The following RNASE4 variants were observed in gnomAD, a reference collection of about 807,000 sequenced individuals.
RNASE4 encodes ribonuclease A family member 4.
For missense variants in RNASE4, 194 were observed against 192.8 expected (o/e 1.01, Z -0.04); for synonymous variants, 93 against 71.4 (o/e 1.30, Z -1.52).
At chr14:20,693,337 G>C in intron 1 of RNASE4, 1 of 634,840 alleles carries the variant, frequency 1.6e-6, no homozygotes, top group South Asian at 1.9e-5. Context: ...TGGAGCTAGA[G>C]GTTGTGCTCA....
intron 1 of RNASE4, chr14:20,694,296 C>CATT: frequency 4.7e-6 from 1 of 210,776 alleles, no homozygotes; most frequent in Non-Finnish European, 8.8e-6. Flanking sequence ...CTTTTCTTTT[C>CATT]GTTTTTTTTT....
rs1228003619 is a variant in RNASE4 at position 20,684,630 on chromosome 14, G to C, written c.-146G>C. 3 of 152,420 alleles carry C rather than the reference G, an allele frequency of 2.0e-5. No homozygotes were observed. Among genetic ancestry groups the C allele is most frequent in the Admixed American group, 1.3e-4 (2 of 15,290 alleles). 9.4% of individuals were successfully genotyped at this position (152,420 alleles called of 1,614,324 possible). On this transcript the variant is annotated 5_prime_UTR_variant, in exon 1 of 2. Transcript: ENST00000555835. ...GCCAACCCCACCTAGATGCAAAGCA[G>C]GATTCAAAAGAACATCTTTGCGTTT...
intron 1 of RNASE4, among the ~76,000 whole-genome samples, chr14:20,693,008 C>T (rs910619583): frequency 3.3e-5 from 5 of 151,732 alleles, no homozygotes; most frequent in South Asian, 2.1e-4. Flanking sequence ...CCACTACGCC[C>T]GGCTAATTTT....
chr14:20,685,931 T>G (rs1886402498), intron 1 of RNASE4, among the ~76,000 whole-genome samples: 1 of 151,456 alleles, frequency 6.6e-6, no homozygotes, highest in African/African-American at 2.4e-5. Flanking sequence ...CCCCAGCTAC[T>G]CGGGAGGCTG....
At chr14:20,686,299 T>G (rs1886424728) in intron 1 of RNASE4, among the ~76,000 whole-genome samples, 3 of 152,038 alleles carry the variant, frequency 2.0e-5, no homozygotes, top group Non-Finnish European at 4.4e-5. Flanking sequence ...ATGGAAAAAA[T>G]CATTCCAGGA....
intron 1 of RNASE4, among the ~76,000 whole-genome samples, chr14:20,686,567 A>G (rs1246319780): frequency 6.6e-6 from 1 of 152,230 alleles, no homozygotes; most frequent in Non-Finnish European, 1.5e-5. Flanking sequence ...CTTGGGAAAG[A>G]GGGAATGGGA....
Position 20,699,716 on chromosome 14 carries a change from CA to C in RNASE4, c.346del (p.Arg116GlyfsTer10). The C allele has an allele frequency of 6.2e-7, 1 of 1,610,188 alleles. No homozygotes were observed. On this transcript the variant is annotated frameshift_variant, in exon 2 of 2. Transcript: ENST00000555835. LOFTEE classifies it low-confidence loss of function (END_TRUNC). ...CAGATTGCAGGGACACAGGAAGTTC[CA>C]GGGCACCCAACTGCAGATATCGGGC... ...VTDCRDTGSSRAPNCRYRAIA... is the reference protein window; with the variant it reads ...VTDCRDTGSSXAPNCRYRAIA...
chr14:20,698,334 A>G (rs1887159863), intron 1 of RNASE4, among the ~76,000 whole-genome samples: 1 of 152,238 alleles, frequency 6.6e-6, no homozygotes, highest in East Asian at 1.9e-4. Flanking sequence ...AAAGCAATGT[A>G]TCTCCATGGC....
intron 1 of RNASE4, among the ~76,000 whole-genome samples, chr14:20,690,902 C>T (rs1171202864): frequency 6.6e-6 from 1 of 152,226 alleles, no homozygotes; most frequent in Non-Finnish European, 1.5e-5. Flanking sequence ...CATCCACGAT[C>T]ACGTGGGTAA....
intron 1 of RNASE4, among the ~76,000 whole-genome samples, chr14:20,698,571 C>G (rs1887169454): frequency 6.6e-6 from 1 of 152,124 alleles, no homozygotes; most frequent in South Asian, 2.1e-4. Context: ...TAGCTATTAT[C>G]AACTGTCTTC....
chr14:20,692,520 A>C (rs1368064813), intron 1 of RNASE4, among the ~76,000 whole-genome samples: 1 of 152,242 alleles, frequency 6.6e-6, no homozygotes, highest in Non-Finnish European at 1.5e-5. Context: ...ATCAGCAGGC[A>C]GCATTAGATT....
intron 1 of RNASE4, among the ~76,000 whole-genome samples, chr14:20,695,167 C>T (rs543459956): frequency 6.6e-5 from 10 of 152,202 alleles, no homozygotes; most frequent in Admixed American, 3.3e-4. Context: ...GAAGCTGAGG[C>T]GGACAGATCA....
At chr14:20,699,103 C>A in intron 1 of RNASE4, 1 of 421,044 alleles carries the variant, frequency 2.4e-6, no homozygotes, top group Non-Finnish European at 4.3e-6. Context: ...TGCCCTGTGT[C>A]ATTGTACTGG....
At chr14:20,693,079 C>T (rs996950843) in intron 1 of RNASE4, among the ~76,000 whole-genome samples, 19 of 151,954 alleles carry the variant, frequency 1.3e-4, no homozygotes, top group African/African-American at 3.9e-4. Flanking sequence ...GATCTCCTGA[C>T]CTCGTGATCC....
At chr14:20,690,214 T>C (rs1258827942) in intron 1 of RNASE4, among the ~76,000 whole-genome samples, 5 of 75,218 alleles carry the variant, frequency 6.6e-5, no homozygotes, top group Non-Finnish European at 8.8e-5. Flanking sequence ...AGAGCGAGAC[T>C]CCGTCTCAAA....
chr14:20,696,140 T>C (rs908659938), intron 1 of RNASE4, among the ~76,000 whole-genome samples: 3 of 152,212 alleles, frequency 2.0e-5, no homozygotes, highest in Non-Finnish European at 2.9e-5. Flanking sequence ...CATTATTATA[T>C]TGATCACAGC....
rs779836840 is a variant in RNASE4 at position 20,693,955 on chromosome 14, T to C, written c.-17-5400T>C. ...GGGGTTCAGAAACGTTGTTGTTGCTTGTGAAAATGGCTTACCTGTCCACTT... is the reference window on the plus strand; with the variant it reads ...GGGGTTCAGAAACGTTGTTGTTGCTCGTGAAAATGGCTTACCTGTCCACTT... On this transcript the variant is annotated intron_variant, in intron 1 of 1. Transcript: ENST00000555835. The C allele has an allele frequency of 3.1e-6, 5 of 1,613,988 alleles. No individual in the cohort carries two copies. In the South Asian group the frequency reaches 3.3e-5, roughly 11 times the overall value.
At chr14:20,693,501 G>T in intron 1 of RNASE4, 1 of 1,603,302 alleles carries the variant, frequency 6.2e-7, no homozygotes, top group Non-Finnish European at 8.5e-7. Flanking sequence ...GCCTAATTTG[G>T]TGATGCTGTT....
At chr14:20,685,760 G>A (rs1327854683) in intron 1 of RNASE4, among the ~76,000 whole-genome samples, 1 of 152,138 alleles carries the variant, frequency 6.6e-6, no homozygotes, top group Admixed American at 6.5e-5. Flanking sequence ...AAGTTGTGTG[G>A]GCCCGGCACG....
Sources: allele counts gnomAD v4.1 joint callset (sites outside exome capture counted in the v4.1 genomes callset), GRCh38; gene constraint gnomAD v4.1.1; transcripts MANE v1.5; gene names NCBI Gene and HGNC (gene_info 2026-07-23, HGNC 2026-07-21).